ADCY2: variants seen among roughly 807,000 people sequenced by gnomAD.
The protein encoded by ADCY2 is adenylate cyclase type 2.
ADCY2 carries 31 observed loss-of-function variants against 125.2 expected under a neutral mutation model. That is an observed-to-expected ratio of 0.25 (90% CI 0.19 to 0.33). The LOEUF (loss-of-function observed/expected upper bound fraction) is 0.33, where lower values mean the gene tolerates loss of function less well. Among genes scored for constraint, ADCY2 ranks in the 10% least tolerant of loss-of-function variants. The pLI, the probability that ADCY2 is intolerant of heterozygous loss-of-function variation, is 1.00. For missense variants in ADCY2, 904 were observed against 1,418.2 expected (o/e 0.64, Z 5.82); for synonymous variants, 512 against 548.4 (o/e 0.93, Z 0.93).
chr5:7,579,453 C>T (rs1406302779), intron 3 of ADCY2, among the ~76,000 whole-genome samples: 1 of 151,798 alleles, frequency 6.6e-6, no homozygotes, highest in Non-Finnish European at 1.5e-5. Flanking sequence ...AGAGAGAGAA[C>T]AGCCAATACT....
intron 22 of ADCY2, among the ~76,000 whole-genome samples, chr5:7,812,609 C>T (rs894808638): frequency 7.2e-5 from 11 of 152,110 alleles, no homozygotes; most frequent in Non-Finnish European, 1.3e-4. Context: ...AACTGAAACC[C>T]AATGAGGTAG....
intron 20 of ADCY2, among the ~76,000 whole-genome samples, chr5:7,790,956 G>A (rs1560999705): frequency 6.6e-6 from 1 of 152,050 alleles, no homozygotes; most frequent in Admixed American, 6.6e-5. Flanking sequence ...ATGATTTCTG[G>A]TCTTGTCTTT....
At chr5:7,823,458 G>A (rs1745366001) in intron 24 of ADCY2, among the ~76,000 whole-genome samples, 1 of 152,126 alleles carries the variant, frequency 6.6e-6, no homozygotes, top group African/African-American at 2.4e-5. Context: ...CAAGAATCGT[G>A]GGGCGTTTTG....
rs540061504 is a variant in ADCY2 at position 7,828,661 on chromosome 5, T to C, written c.*1790T>C. 6.6e-6 allele frequency: 1 copy of C among 152,486 alleles called. No homozygotes were observed. The highest frequency in any genetic ancestry group is 6.5e-5 in the Admixed American group (1 of 15,308). The allele number at this position is 152,486 out of a possible 1,614,324, so 9.4% of individuals were successfully genotyped here. A position where few individuals can be genotyped will look rare whatever the true frequency, so the allele number is the denominator to read the frequency against. On this transcript the variant is annotated 3_prime_UTR_variant, in exon 25 of 25. Coordinates refer to ENST00000338316, the MANE Select transcript of ADCY2 (RefSeq NM_020546.3). ...TCACAACTCAGCATTGGCCTTAATA[T>C]ACCTAAATCTCCAAAAACAGTGATT...
At chr5:7,739,544 TAGAA>T (rs1742353524) in intron 14 of ADCY2, among the ~76,000 whole-genome samples, 1 of 151,714 alleles carries the variant, frequency 6.6e-6, no homozygotes, top group Admixed American at 6.6e-5. Context: ...ATCAAGCAAT[TAGAA>T]AGGCATAAAT....
At position 7,727,145 on chromosome 5, in the gene ADCY2, G is replaced by A. The variant is rs768706196; in HGVS notation, c.1774-19G>A. 2.3e-5 allele frequency: 37 copies of A among 1,593,768 alleles called. 1 individual carries two copies. Among genetic ancestry groups the A allele is most frequent in the Admixed American group, 1.8e-4 (11 of 59,536 alleles). On this transcript the variant is annotated intron_variant, in intron 13 of 24. Coordinates refer to ENST00000338316, the MANE Select transcript of ADCY2 (RefSeq NM_020546.3). ...TCTCTTGGAGAACTGTCACTCACAGGTTCCTTTCTCCCCCTCAGTACCGGG... is the reference window on the plus strand; with the variant it reads ...TCTCTTGGAGAACTGTCACTCACAGATTCCTTTCTCCCCCTCAGTACCGGG...
intron 3 of ADCY2, among the ~76,000 whole-genome samples, chr5:7,557,562 C>T (rs985687069): frequency 2.0e-5 from 3 of 152,008 alleles, no homozygotes; most frequent in Admixed American, 6.6e-5. Context: ...GAGTGTGTTC[C>T]CCTCTTTGTG....
At chr5:7,542,535 G>C (rs950711941) in intron 3 of ADCY2, among the ~76,000 whole-genome samples, 1 of 152,144 alleles carries the variant, frequency 6.6e-6, no homozygotes, top group Admixed American at 6.5e-5. Context: ...ACAAAGTGTA[G>C]TGCATTTATG....
At chr5:7,566,257 CAGA>C in intron 3 of ADCY2, among the ~76,000 whole-genome samples, 1 of 152,232 alleles carries the variant, frequency 6.6e-6, no homozygotes, top group South Asian at 2.1e-4. Flanking sequence ...GAGGCCAAGG[CAGA>C]AGGATCACTT....
intron 4 of ADCY2, among the ~76,000 whole-genome samples, chr5:7,666,940 A>T (rs182036079): frequency 1.3e-5 from 2 of 152,308 alleles, no homozygotes; most frequent in South Asian, 2.1e-4. Flanking sequence ...TTCATGCCCC[A>T]GTTCCTCTGC....
intron 14 of ADCY2, among the ~76,000 whole-genome samples, chr5:7,728,628 G>A (rs1473537902): frequency 6.6e-6 from 1 of 152,144 alleles, no homozygotes; most frequent in Non-Finnish European, 1.5e-5. Flanking sequence ...GTACACAGTG[G>A]CTTATAGACT....
At chr5:7,714,398 G>A (rs971720651) in intron 11 of ADCY2, among the ~76,000 whole-genome samples, 2 of 152,344 alleles carry the variant, frequency 1.3e-5, no homozygotes. Flanking sequence ...GTGGGGCAGC[G>A]TAAGCCGGGA....
chr5:7,655,324 T>C (rs1176995017), intron 4 of ADCY2, among the ~76,000 whole-genome samples: 1 of 152,158 alleles, frequency 6.6e-6, no homozygotes, highest in Non-Finnish European at 1.5e-5. Flanking sequence ...AAGAGATCTA[T>C]TGGGAAGTGT....
chr5:7,654,235 G>T, intron 4 of ADCY2: 1 of 441,776 alleles, frequency 2.3e-6, no homozygotes, highest in Non-Finnish European at 4.5e-6. Context: ...CCAGTAGACA[G>T]GGTTTCAGGA....
At chr5:7,630,891 G>A (rs375265894) in intron 4 of ADCY2, among the ~76,000 whole-genome samples, 2 of 150,590 alleles carry the variant, frequency 1.3e-5, no homozygotes, top group East Asian at 2.0e-4. Flanking sequence ...GGGCTCAACA[G>A]ATCCTCCCAC....
At chr5:7,814,551 G>T (rs1440600803) in intron 22 of ADCY2, among the ~76,000 whole-genome samples, 2 of 152,170 alleles carry the variant, frequency 1.3e-5, no homozygotes, top group Admixed American at 6.5e-5. Context: ...CTGCGTTACT[G>T]CAATCCCCAT....
intron 3 of ADCY2, among the ~76,000 whole-genome samples, chr5:7,544,183 C>T (rs977515486): frequency 2.6e-5 from 4 of 152,142 alleles, no homozygotes; most frequent in Non-Finnish European, 4.4e-5. Flanking sequence ...AAGAAACAGG[C>T]AGATCCTGCA....
At position 7,401,496 on chromosome 5, in the gene ADCY2, C is replaced by T. The variant is rs555909163; in HGVS notation, c.210+4990C>T. On this transcript the variant is annotated intron_variant, in intron 1 of 24. Coordinates refer to ENST00000338316, the MANE Select transcript of ADCY2 (RefSeq NM_020546.3). ...GAAATTTCTTACTGATATGAACAGC[C>T]TCAATCTTCATTCTGTGTAATGGAG... Among the ~76,000 whole-genome samples, 37 of 152,306 alleles carry T rather than the reference C, an allele frequency of 2.4e-4. No homozygotes were observed. In the South Asian group the frequency reaches 6.6e-3, roughly 27 times the overall value.
chr5:7,679,823 G>A (rs575829851), intron 4 of ADCY2, among the ~76,000 whole-genome samples: 14 of 152,346 alleles, frequency 9.2e-5, no homozygotes, highest in African/African-American at 2.4e-4. Flanking sequence ...TTGTCTCCCA[G>A]TACTTGTTCT....
Sources: gnomAD v4.1 joint callset for allele counts (sites outside exome capture counted in the v4.1 genomes callset) on GRCh38, gnomAD v4.1.1 for gene constraint, MANE v1.5 for transcripts, NCBI Gene and HGNC (gene_info 2026-07-23, HGNC 2026-07-21) for gene names.